Variants in RALYL observed in about 807,000 individuals in gnomAD.
RALYL encodes the protein RALY RNA binding protein like.
Under a neutral mutation model 35.1 loss-of-function variants are expected in RALYL, and 29 were observed. That is an observed-to-expected ratio of 0.83 (90% CI 0.61 to 1.13). RALYL has a LOEUF of 1.13. Among genes scored for constraint, RALYL ranks in the 50% most tolerant of loss-of-function variants. The probability of loss-of-function intolerance (pLI) is 0.00; values close to 1 mark genes in which losing one functional copy is unlikely to be tolerated. For synonymous variants in RALYL, 120 were observed against 127.6 expected (o/e 0.94, Z 0.40); for missense variants, 359 against 360.4 (o/e 1.00, Z 0.03).
At chr8:84,387,231 G>A (rs545976178) in intron 1 of RALYL, among the ~76,000 whole-genome samples, 4 of 151,812 alleles carry the variant, frequency 2.6e-5, no homozygotes, top group South Asian at 2.1e-4. Context: ...CTATATGGTA[G>A]GCACTTAACA....
At chr8:84,794,830 A>C (rs1017217631) in intron 3 of RALYL, among the ~76,000 whole-genome samples, 2 of 152,228 alleles carry the variant, frequency 1.3e-5, no homozygotes, top group African/African-American at 2.4e-5. Context: ...CTGTTGCTAC[A>C]GTTCATTCCT....
chr8:84,461,135 A>G (rs1327992096), intron 1 of RALYL, among the ~76,000 whole-genome samples: 1 of 151,656 alleles, frequency 6.6e-6, no homozygotes, highest in Non-Finnish European at 1.5e-5. Flanking sequence ...AAAAATTTCT[A>G]AAAGATTACT....
intron 1 of RALYL, among the ~76,000 whole-genome samples, chr8:84,336,056 T>C (rs1847744202): frequency 6.6e-6 from 1 of 152,166 alleles, no homozygotes; most frequent in Non-Finnish European, 1.5e-5. Flanking sequence ...TCAGTGAGAA[T>C]GTAAAATCAT....
At position 84,394,907 on chromosome 8, in the gene RALYL, C is replaced by T. The variant is rs866714954; in HGVS notation, c.-23-134392C>T. On this transcript the variant is annotated intron_variant, in intron 1 of 8. Coordinates refer to ENST00000521268, the MANE Select transcript of RALYL (RefSeq NM_173848.7). ...TTTTCTCATTATTCTCCTTAGAAAA[C>T]ATAATAAAGTGAAGTTCATTTACTC... is the stretch of plus-strand genomic sequence containing the variant. Among the ~76,000 whole-genome samples the T allele has an allele frequency of 2.0e-5, 3 of 151,828 alleles. No homozygotes were observed. In the South Asian group the frequency reaches 6.2e-4, roughly 31 times the overall value.
intron 1 of RALYL, among the ~76,000 whole-genome samples, chr8:84,519,965 T>C (rs1471889187): frequency 6.6e-6 from 1 of 152,200 alleles, no homozygotes; most frequent in Admixed American, 6.5e-5. Flanking sequence ...CAGGGTTGCA[T>C]CTGTGCTTGG....
intron 1 of RALYL, among the ~76,000 whole-genome samples, chr8:84,188,522 TTTCTC>T (rs1380634573): frequency 6.6e-6 from 1 of 152,130 alleles, no homozygotes; most frequent in African/African-American, 2.4e-5. Context: ...ATTTAATAAA[TTTCTC>T]TTCAGTAATT....
chr8:84,846,583 G>T lies in RALYL; in HGVS notation c.366-3397G>T, dbSNP rs79655680. ...GACTTTTTTGGAATAGTTTCAGTTG[G>T]ATTGGTAACAACTCTTTTTTATTTG... On this transcript the variant is annotated intron_variant, in intron 4 of 8. Coordinates refer to ENST00000521268, the MANE Select transcript of RALYL (RefSeq NM_173848.7). Among the ~76,000 whole-genome samples the T allele has an allele frequency of 2.7e-3, 408 of 152,268 alleles. 1 individual carries two copies. Among genetic ancestry groups the T allele is most frequent in the African/African-American group, 9.6e-3 (398 of 41,560 alleles).
At chr8:84,311,585 C>A (rs944626897) in intron 1 of RALYL, among the ~76,000 whole-genome samples, 7 of 151,910 alleles carry the variant, frequency 4.6e-5, no homozygotes, top group African/African-American at 1.7e-4. Flanking sequence ...GAACTCTTAT[C>A]CTAAAGAGAA....
chr8:84,470,821 G>A (rs2052636335), intron 1 of RALYL, among the ~76,000 whole-genome samples: 1 of 152,176 alleles, frequency 6.6e-6, no homozygotes, highest in Non-Finnish European at 1.5e-5. Flanking sequence ...ATAATTATAT[G>A]TTAGAGGGAT....
At chr8:84,323,551 A>G (rs1845258472) in intron 1 of RALYL, among the ~76,000 whole-genome samples, 1 of 152,118 alleles carries the variant, frequency 6.6e-6, no homozygotes, top group Admixed American at 6.5e-5. Context: ...TTCTTGGTCT[A>G]GAGCTGAGCT....
chr8:84,912,981 AGGATGGATGGAT>A (rs1191228454), intron 8 of RALYL, among the ~76,000 whole-genome samples: 190 of 121,330 alleles, frequency 1.6e-3, no homozygotes, highest in African/African-American at 5.6e-3. Flanking sequence ...GTGCAGACCC[AGGATGGATGGAT>A]GGATGGATGG....
At chr8:84,304,431 T>C (rs1459244864) in intron 1 of RALYL, among the ~76,000 whole-genome samples, 1 of 152,030 alleles carries the variant, frequency 6.6e-6, no homozygotes, top group East Asian at 1.9e-4. Context: ...AAATACTAAC[T>C]AATATAATAT....
intron 1 of RALYL, chr8:84,346,028 C>A: frequency 1.1e-6 from 1 of 938,548 alleles, no homozygotes; most frequent in Non-Finnish European, 1.3e-6. Flanking sequence ...GTATGCATTT[C>A]TCTTATTCAA....
At chr8:84,492,118 C>T (rs13256482) in intron 1 of RALYL, among the ~76,000 whole-genome samples, 62,580 of 151,744 alleles carry the variant, frequency 0.41, 12,985 homozygotes, top group South Asian at 0.53. Context: ...TGCAAAATAA[C>T]TGAGAGAATG....
At chr8:84,808,500 T>C (rs995006162) in intron 4 of RALYL, among the ~76,000 whole-genome samples, 5 of 152,132 alleles carry the variant, frequency 3.3e-5, no homozygotes, top group African/African-American at 4.8e-5. Flanking sequence ...CTTTTTTGGT[T>C]CCATATGAAT....
intron 1 of RALYL, among the ~76,000 whole-genome samples, chr8:84,370,622 G>C (rs16912721): frequency 6.6e-6 from 1 of 152,108 alleles, no homozygotes; most frequent in East Asian, 1.9e-4. Context: ...AGCAGAAAAA[G>C]GCAGTGTGCA....
intron 8 of RALYL, among the ~76,000 whole-genome samples, chr8:84,890,082 G>A (rs2135448834): frequency 1.3e-5 from 2 of 152,264 alleles, no homozygotes; most frequent in Middle Eastern, 3.4e-3. Context: ...ACCCTACAAT[G>A]TTTTTCATCA....
chr8:84,770,957 C>T (rs780240516), intron 2 of RALYL, among the ~76,000 whole-genome samples: 9 of 152,066 alleles, frequency 5.9e-5, no homozygotes, highest in Non-Finnish European at 1.3e-4. Context: ...AGTCCTTTGA[C>T]AGATGTATAA....
intron 1 of RALYL, among the ~76,000 whole-genome samples, chr8:84,378,653 A>G (rs1029100006): frequency 1.3e-5 from 2 of 151,844 alleles, no homozygotes; most frequent in African/African-American, 2.4e-5. Flanking sequence ...AATACTGAAC[A>G]GAGTCTAGAA....
Sources: gnomAD v4.1 joint callset for allele counts (sites outside exome capture counted in the v4.1 genomes callset) on GRCh38, gnomAD v4.1.1 for gene constraint, MANE v1.5 for transcripts, NCBI Gene and HGNC (gene_info 2026-07-23, HGNC 2026-07-21) for gene names.